The following BCOR variants were observed in gnomAD, a reference collection of about 807,000 sequenced individuals.
The protein encoded by BCOR is BCL-6 corepressor.
BCOR carries 10 observed loss-of-function variants against 86.7 expected under a neutral mutation model. The observed-to-expected ratio is 0.12, with a 90% CI of 0.07 to 0.20. The LOEUF (loss-of-function observed/expected upper bound fraction) is 0.20, where lower values mean the gene tolerates loss of function less well. BCOR is among the 10% of genes least tolerant of loss of function. The pLI, the probability that BCOR is intolerant of heterozygous loss-of-function variation, is 1.00. For missense variants in BCOR, 1,259 were observed against 1,452.1 expected, an observed-to-expected ratio of 0.87 and a Z score of 2.16; for synonymous variants, 611 against 609.0, an observed-to-expected ratio of 1.00 and a Z score of -0.05.
intron 1 of BCOR, among the ~76,000 whole-genome samples, chrX:40,176,789 GGCCCTTGTCCCA>G (rs1466329383): frequency 9.3e-6 from 1 of 107,588 alleles, no homozygotes; most frequent in Non-Finnish European, 1.9e-5. Context: ...CGCCCGGCCC[GGCCCTTGTCCCA>G]GCCCGGCTCC....
At chrX:40,138,462 A>G (rs1156301289) in intron 1 of BCOR, among the ~76,000 whole-genome samples, 1 of 112,094 alleles carries the variant, frequency 8.9e-6, no homozygotes, top group Non-Finnish European at 1.9e-5. Flanking sequence ...ACATGCAATC[A>G]CCAAAGCAAA....
intron 1 of BCOR, among the ~76,000 whole-genome samples, chrX:40,095,764 G>A (rs1466319395): frequency 3.9e-5 from 1 of 25,596 alleles, no homozygotes; most frequent in African/African-American, 1.7e-4. Flanking sequence ...TCCAGACGCC[G>A]GCGGCGCGCG....
chrX:40,091,609 C>T (rs1376991835), intron 1 of BCOR, among the ~76,000 whole-genome samples: 1 of 113,242 alleles, frequency 8.8e-6, no homozygotes, highest in African/African-American at 3.2e-5. Context: ...GTAAGATATC[C>T]CTTCCTGATG....
intron 6 of BCOR, chrX:40,067,917 T>C (rs1228656190): frequency 8.9e-6 from 1 of 111,886 alleles, no homozygotes; most frequent in Non-Finnish European, 1.9e-5. Flanking sequence ...GCAAAGGAGA[T>C]GGGTGCATAG....
chrX:40,096,282 G>GCCCGCC (rs928233901), intron 1 of BCOR, among the ~76,000 whole-genome samples: 1 of 110,553 alleles, frequency 9.0e-6, no homozygotes, highest in African/African-American at 3.3e-5. Context: ...CCCAGGTCTC[G>GCCCGCC]CCCGCCCCCG....
chrX:40,154,816 TAC>T (rs1417003455), intron 1 of BCOR, among the ~76,000 whole-genome samples: 1 of 112,258 alleles, frequency 8.9e-6, no homozygotes, highest in Non-Finnish European at 1.9e-5. Flanking sequence ...GCTAACAGGG[TAC>T]AGTTTACCCA....
chrX:40,136,289 G>A (rs1401897005), intron 1 of BCOR, among the ~76,000 whole-genome samples: 1 of 112,054 alleles, frequency 8.9e-6, no homozygotes, highest in Non-Finnish European at 1.9e-5. Context: ...TGAACCACAG[G>A]TGACCCACTG....
Position 40,074,977 on chromosome X carries a change from C to A in BCOR, c.369G>T (p.Gln123His). ...GFSSERNPEM[Q>H]FKPNTPETVE... ...CTGTCTCGGGTGTATTCGGTTTGAA[C>A]TGCATCTCTGGATTTCTTTCCGAAG... The change falls in exon 4 of 15, where the codon CAG (glutamine) becomes CAT (histidine). Residue 123 changes from glutamine to histidine, a missense_variant. By Grantham distance (24) the Gln-to-His change is conservative. Around this residue, in one of 7 missense-constraint regions of BCOR, gnomAD observed 174 missense variants for 189.3 expected, o/e 0.92. Coordinates refer to ENST00000378444, the MANE Select transcript of BCOR (RefSeq NM_001123385.2). 1 of 1,210,453 alleles carries A rather than the reference C, an allele frequency of 8.3e-7. No homozygotes were observed. Among genetic ancestry groups the A allele is most frequent in the Non-Finnish European group, 1.1e-6 (1 of 894,978 alleles).
At chrX:40,077,667 C>T (rs978124093) in intron 2 of BCOR, 177 bp downstream of exon 2, 1 of 454,942 alleles carries the variant, frequency 2.2e-6, no homozygotes, top group South Asian at 3.2e-5. Context: ...TTTTAAAGGG[C>T]GGCAATGCTT....
intron 1 of BCOR, among the ~76,000 whole-genome samples, chrX:40,123,641 C>A (rs1937514123): frequency 9.0e-6 from 1 of 111,226 alleles, no homozygotes; most frequent in Non-Finnish European, 1.9e-5. Context: ...GTGTGAGCCA[C>A]CGCGCCCGGC....
At chrX:40,057,068 T>C in intron 11 of BCOR, 87 bp downstream of exon 11, 1 of 1,058,207 alleles carries the variant, frequency 9.4e-7, no homozygotes, top group Non-Finnish European at 1.3e-6. Context: ...CTCCTGGAAT[T>C]TCCCGTATAC....
chrX:40,159,851 C>A (rs1938375218), intron 1 of BCOR, among the ~76,000 whole-genome samples: 1 of 111,135 alleles, frequency 9.0e-6, no homozygotes, highest in South Asian at 3.7e-4. Flanking sequence ...GAAAAGTAGT[C>A]ATAGGTCAAA....
intron 1 of BCOR, among the ~76,000 whole-genome samples, chrX:40,173,123 C>T (rs890267418): frequency 1.8e-5 from 2 of 111,790 alleles, no homozygotes; most frequent in African/African-American, 6.5e-5. Flanking sequence ...GCAGTCCTCT[C>T]GAAACAACCC....
intron 13 of BCOR, 79 bp from the exon 14 acceptor site, chrX:40,054,121 T>C: frequency 8.8e-7 from 1 of 1,138,166 alleles, no homozygotes; most frequent in South Asian, 1.9e-5. Flanking sequence ...CAACAAGGAG[T>C]TTAAATAACA....
intron 6 of BCOR, among the ~76,000 whole-genome samples, chrX:40,067,169 G>A (rs903639239): frequency 2.6e-4 from 29 of 112,093 alleles, no homozygotes; most frequent in Non-Finnish European, 5.6e-5. Flanking sequence ...TGCCCAAACT[G>A]CCAGTATATT....
chrX:40,106,241 C>T (rs1937181174), intron 1 of BCOR, among the ~76,000 whole-genome samples: 1 of 111,268 alleles, frequency 9.0e-6, no homozygotes, highest in South Asian at 3.8e-4. Context: ...GGGCCCGGCC[C>T]GGGAAGGCGT....
chrX:40,164,672 C>T (rs1465369034), intron 1 of BCOR, among the ~76,000 whole-genome samples: 2 of 111,956 alleles, frequency 1.8e-5, no homozygotes, highest in Non-Finnish European at 3.8e-5. Flanking sequence ...TTCCACCAGG[C>T]TGGTTTTGCT....
rs2147059431 is a variant in BCOR, at chrX:40,063,828, G to A, written c.3627C>T (p.Arg1209=). The A allele has an allele frequency of 8.3e-7, 1 of 1,212,049 alleles. No homozygotes were observed. The highest frequency in any genetic ancestry group is 1.7e-5 in the African/African-American group (1 of 57,835). The change falls in exon 8 of 15, where the codon CGC becomes CGT. Residue 1209 remains arginine (R), a synonymous_variant. Coordinates refer to ENST00000378444, the MANE Select transcript of BCOR (RefSeq NM_001123385.2). ...ELTGLHPKKQ[R]HLLHLRERWE... ...ATCGTTCTCTAAGGTGCAGCAAGTGGCGTTGTTTTTTAGGATGGAGCCCTG... is the reference window on the plus strand; with the variant it reads ...ATCGTTCTCTAAGGTGCAGCAAGTGACGTTGTTTTTTAGGATGGAGCCCTG...
At chrX:40,066,986 A>C (rs975482089) in intron 6 of BCOR, among the ~76,000 whole-genome samples, 18 of 90,033 alleles carry the variant, frequency 2.0e-4, no homozygotes, top group African/African-American at 7.3e-4. Flanking sequence ...TTTGGATTTG[A>C]CTTCCACAGC....
Sources: gnomAD v4.1 joint callset for allele counts (sites outside exome capture counted in the v4.1 genomes callset) on GRCh38, gnomAD v4.1.1 for gene constraint, gnomAD v4.1.1 regional missense constraint, MANE v1.5 for transcripts, NCBI Gene and HGNC (gene_info 2026-07-23, HGNC 2026-07-21) for gene names.